The following ABLIM3 variants were observed in gnomAD, a reference collection of about 807,000 sequenced individuals.
ABLIM3 encodes actin binding LIM protein family member 3.
A neutral mutation model predicts 109.5 loss-of-function variants in ABLIM3; 61 were observed. The observed-to-expected ratio is 0.56, with a 90% CI of 0.45 to 0.69. The LOEUF is 0.69. Among genes scored for constraint, ABLIM3 ranks in the 30% least tolerant of loss-of-function variants. ABLIM3 has a pLI of 0.00. For synonymous variants in ABLIM3, 300 were observed against 324.8 expected (o/e 0.92, Z 0.82); for missense variants, 796 against 889.5 (o/e 0.89, Z 1.34).
rs560366412 is a variant in ABLIM3, at chr5:149,206,105, C to G, written c.449-903C>G. ...CCGCCAAAGTGGGTCATCCGGTTGG[C>G]TAGGCCTGAATTCCCAGCAGTTTCC... On this transcript the variant is annotated intron_variant, in intron 5 of 23. Transcript: ENST00000309868. Among the ~76,000 whole-genome samples the G allele has an allele frequency of 3.3e-5, 5 of 152,352 alleles. 1 individual carries two copies. The highest frequency in any genetic ancestry group is 1.2e-4 in the African/African-American group (5 of 41,584).
intron 9 of ABLIM3, 42 bp downstream of exon 9, chr5:149,230,749 C>T: frequency 1.2e-6 from 2 of 1,606,884 alleles, no homozygotes; most frequent in Non-Finnish European, 1.7e-6. Flanking sequence ...TCCTGCTTTG[C>T]TACTTTCTGC....
chr5:149,246,028 T>G (rs1287881095), intron 16 of ABLIM3, among the ~76,000 whole-genome samples: 1 of 152,088 alleles, frequency 6.6e-6, no homozygotes, highest in East Asian at 1.9e-4. Flanking sequence ...CTGGGCATGA[T>G]AGTGTATGCC....
chr5:149,145,834 G>A (rs756530090), intron 2 of ABLIM3, among the ~76,000 whole-genome samples: 33 of 151,418 alleles, frequency 2.2e-4, no homozygotes, highest in African/African-American at 2.9e-4. Flanking sequence ...TGTCCAGGCT[G>A]ATGTTCAGTG....
At chr5:149,169,134 T>C (rs1029576605) in intron 2 of ABLIM3, among the ~76,000 whole-genome samples, 1 of 128,692 alleles carries the variant, frequency 7.8e-6, no homozygotes, top group African/African-American at 3.7e-5. Context: ...AATTTGTTCA[T>C]ATCCAGAGCT....
chr5:149,254,137 A>T (rs1156642127), intron 23 of ABLIM3, among the ~76,000 whole-genome samples: 3 of 152,058 alleles, frequency 2.0e-5, no homozygotes, highest in African/African-American at 7.2e-5. Context: ...ACACGTGGGG[A>T]TTATTACAAT....
At chr5:149,244,480 C>T (rs1753159319) in intron 15 of ABLIM3, 1 of 191,524 alleles carries the variant, frequency 5.2e-6, no homozygotes, top group African/African-American at 2.3e-5. Context: ...TTCTAAAGGG[C>T]TAGGAAGGCT....
intron 3 of ABLIM3, among the ~76,000 whole-genome samples, chr5:149,184,749 T>G (rs1756789341): frequency 6.6e-6 from 1 of 152,214 alleles, no homozygotes; most frequent in African/African-American, 2.4e-5. Flanking sequence ...AACCCGCGGT[T>G]CTTTTTATTT....
At chr5:149,252,447 G>T in intron 22 of ABLIM3, 1 of 557,108 alleles carries the variant, frequency 1.8e-6, no homozygotes, top group South Asian at 2.7e-5. Flanking sequence ...ACACTCTGTT[G>T]GCTTGCCAGT....
chr5:149,147,664 G>A (rs539724171), intron 2 of ABLIM3, among the ~76,000 whole-genome samples: 4 of 152,222 alleles, frequency 2.6e-5, no homozygotes, highest in South Asian at 4.1e-4. Flanking sequence ...ATCTGGAGAA[G>A]AGGAGCACAG....
intron 14 of ABLIM3, 69 bp from the exon 15 acceptor site, chr5:149,242,422 T>TCCTTTTCTC (rs1752944762): frequency 2.6e-6 from 4 of 1,509,756 alleles, no homozygotes; most frequent in African/African-American, 1.4e-5. Context: ...AAGTACTATC[T>TCCTTTTCTC]CCTTTTCTCC....
chr5:149,249,974 T>G, intron 19 of ABLIM3, 130 bp downstream of exon 19: 2 of 1,142,328 alleles, frequency 1.8e-6, no homozygotes, highest in Non-Finnish European at 2.6e-6. Flanking sequence ...TCTCAAATAG[T>G]CTACTCCATT....
At chr5:149,233,086 C>T (rs1324993871) in intron 9 of ABLIM3, 143 bp from the exon 10 acceptor site, 2 of 728,752 alleles carry the variant, frequency 2.7e-6, no homozygotes, top group Non-Finnish European at 4.7e-6. Flanking sequence ...ACTTGAAAGA[C>T]AGAGAATAAA....
chr5:149,256,943 T>G (rs1754483389), intron 23 of ABLIM3, among the ~76,000 whole-genome samples: 1 of 152,246 alleles, frequency 6.6e-6, no homozygotes, highest in African/African-American at 2.4e-5. Flanking sequence ...GCTCTACTAC[T>G]TCAAAAATTA....
At chr5:149,163,605 G>A (rs1432851214) in intron 2 of ABLIM3, among the ~76,000 whole-genome samples, 1 of 152,068 alleles carries the variant, frequency 6.6e-6, no homozygotes, top group African/African-American at 2.4e-5. Context: ...GCTTGCCTGT[G>A]TCCCATCCCC....
chr5:149,170,280 C>G (rs1403105063), intron 2 of ABLIM3, among the ~76,000 whole-genome samples: 1 of 151,892 alleles, frequency 6.6e-6, no homozygotes, highest in Non-Finnish European at 1.5e-5. Context: ...CCCTCTCTCT[C>G]TCTCTCTCTC....
chr5:149,180,595 T>C (rs1756371723), intron 2 of ABLIM3, among the ~76,000 whole-genome samples: 1 of 151,726 alleles, frequency 6.6e-6, no homozygotes, highest in African/African-American at 2.4e-5. Context: ...AATCACAGCT[T>C]ACATCAGCAA....
chr5:149,195,362 G>A (rs1003116607), intron 3 of ABLIM3, among the ~76,000 whole-genome samples: 3 of 152,306 alleles, frequency 2.0e-5, no homozygotes, highest in Non-Finnish European at 2.9e-5. Flanking sequence ...CAGTTTTAAC[G>A]TTCAATATTG....
chr5:149,211,296 C>A (rs916816422), intron 7 of ABLIM3, among the ~76,000 whole-genome samples: 1 of 152,128 alleles, frequency 6.6e-6, no homozygotes, highest in Admixed American at 6.5e-5. Flanking sequence ...AACGCCTCTC[C>A]CCAGCCTTTG....
chr5:149,213,685 A>G (rs1389653621), intron 7 of ABLIM3, among the ~76,000 whole-genome samples: 1 of 152,206 alleles, frequency 6.6e-6, no homozygotes, highest in East Asian at 1.9e-4. Flanking sequence ...TGTTGGTGGC[A>G]GCTGCCGTTT....
Sources: allele counts gnomAD v4.1 joint callset (sites outside exome capture counted in the v4.1 genomes callset), GRCh38; gene constraint gnomAD v4.1.1; transcripts MANE v1.5; gene names NCBI Gene and HGNC (gene_info 2026-07-23, HGNC 2026-07-21).